The following TOLLIP variants were observed in gnomAD, a reference collection of about 807,000 sequenced individuals.
TOLLIP encodes toll-interacting protein.
A neutral mutation model predicts 33.5 loss-of-function variants in TOLLIP; 16 were observed. The ratio of observed to expected loss-of-function variants is 0.48; its 90% CI spans 0.32 to 0.72. The LOEUF is 0.72. Among genes scored for constraint, TOLLIP ranks in the 30% least tolerant of loss-of-function variants. The pLI is 0.03. For synonymous variants in TOLLIP, 176 were observed against 163.7 expected (o/e 1.07, Z -0.57); for missense variants, 325 against 396.6 (o/e 0.82, Z 1.53).
At chr11:1,307,613 GC>G (rs1353470101) in intron 1 of TOLLIP, among the ~76,000 whole-genome samples, 1 of 152,224 alleles carries the variant, frequency 6.6e-6, no homozygotes, top group African/African-American at 2.4e-5. Context: ...TGGCCACCAT[GC>G]CCCCCTGCTC....
At chr11:1,285,819 T>C (rs1483234586) in intron 5 of TOLLIP, among the ~76,000 whole-genome samples, 183 bp downstream of exon 5, 1 of 150,800 alleles carries the variant, frequency 6.6e-6, no homozygotes, top group Non-Finnish European at 1.5e-5. Context: ...GCAAACAAAA[T>C]TCAAACGTAA....
At chr11:1,289,987 CCTGGGTCATGCTTGTCA>C in intron 3 of TOLLIP, 1 of 537,410 alleles carries the variant, frequency 1.9e-6, no homozygotes, top group South Asian at 2.2e-5. Flanking sequence ...ACGCTGTATC[CCTGGGTCATGCTTGTCA>C]CTGGGGATGT....
chr11:1,292,518 C>T (rs1343493900), intron 2 of TOLLIP, among the ~76,000 whole-genome samples: 1 of 152,250 alleles, frequency 6.6e-6, no homozygotes, highest in East Asian at 1.9e-4. Flanking sequence ...CTGCCCTCTG[C>T]ACTGTGGCTA....
intron 1 of TOLLIP, among the ~76,000 whole-genome samples, chr11:1,305,065 T>G (rs1295881473): frequency 6.6e-6 from 1 of 152,238 alleles, no homozygotes; most frequent in African/African-American, 2.4e-5. Flanking sequence ...AAAAGACAGC[T>G]GGGGTGGCCA....
chr11:1,281,970 G>A (rs1418559794), intron 5 of TOLLIP, among the ~76,000 whole-genome samples: 1 of 152,256 alleles, frequency 6.6e-6, no homozygotes, highest in Non-Finnish European at 1.5e-5. Context: ...TGGCTGCCGG[G>A]AGGATGGGCT....
chr11:1,307,810 T>C (rs539651688), intron 1 of TOLLIP, among the ~76,000 whole-genome samples: 85 of 152,322 alleles, frequency 5.6e-4, no homozygotes, highest in Middle Eastern at 3.4e-3. Context: ...GCTCCACACC[T>C]GAGTCTCATA....
Position 1,288,704 on chromosome 11 carries a change from C to T in TOLLIP, c.439G>A (p.Val147Met), listed in dbSNP as rs749743149. ...TIPESLRQGKVEDKWYSLSGR... is the reference protein window; with the variant it reads ...TIPESLRQGKMEDKWYSLSGR... ...CTCAGGCTGTACCACTTGTCCTCCA[C>T]CTTGCCCTGCCTCAGGGACTCCGGG... Residue 147 changes from valine to methionine, a missense_variant, in exon 4 of 6, where the codon GTG (valine) becomes ATG (methionine). Coordinates refer to ENST00000317204, the MANE Select transcript of TOLLIP (RefSeq NM_019009.4). The T allele has an allele frequency of 1.4e-5, 23 of 1,612,950 alleles. No homozygotes were observed. The highest frequency in any genetic ancestry group is 1.9e-5 in the Non-Finnish European group (22 of 1,179,894).
chr11:1,294,200 G>A (rs908990293), intron 2 of TOLLIP, among the ~76,000 whole-genome samples: 8 of 137,660 alleles, frequency 5.8e-5, no homozygotes, highest in Admixed American at 1.5e-4. Context: ...TATGAAAGCC[G>A]TGTGGCTCAC....
At chr11:1,306,500 C>T (rs1864427141) in intron 1 of TOLLIP, among the ~76,000 whole-genome samples, 2 of 152,124 alleles carry the variant, frequency 1.3e-5, no homozygotes, top group African/African-American at 4.8e-5. Flanking sequence ...TGAGCGAGCG[C>T]CCTGCTTAAC....
chr11:1,288,943 A>G (rs1029472734), intron 3 of TOLLIP, among the ~76,000 whole-genome samples, 167 bp from the exon 4 acceptor site: 2 of 152,214 alleles, frequency 1.3e-5, no homozygotes, highest in African/African-American at 4.8e-5. Flanking sequence ...CGCAGGCTTC[A>G]CGATCGTATA....
At position 1,276,482 on chromosome 11, in the gene TOLLIP, G is replaced by A. The variant is rs531570554; in HGVS notation, c.*557C>T. ...GGCCAGGTGAGCCAGGCCAGAGGCC[G>A]GCCCCACACCATCCACAGGAAGCTG... On this transcript the variant is annotated 3_prime_UTR_variant, in exon 6 of 6. Coordinates refer to ENST00000317204, the MANE Select transcript of TOLLIP (RefSeq NM_019009.4). The A allele has an allele frequency of 5.8e-4, 211 of 362,108 alleles. No individual in the cohort carries two copies. The highest frequency in any genetic ancestry group is 3.8e-3 in the African/African-American group (179 of 46,808). 22.4% of individuals were successfully genotyped at this position (362,108 alleles called of 1,614,324 possible).
chr11:1,286,061 T>TG lies in TOLLIP; in HGVS notation c.550dup (p.Gln184ProfsTer27), dbSNP rs1429668966. The TG allele has an allele frequency of 6.2e-7, 1 of 1,600,050 alleles. No homozygotes were observed. The highest frequency in any genetic ancestry group is 1.3e-5 in the African/African-American group (1 of 74,862). The stretch of plus-strand genomic sequence containing the variant: ...CACTGTTGGCATCAGGACCACGGGC[T>TG]GGGGTGGCATCACCATGGCAGCTGG... On this transcript the variant is annotated frameshift_variant, in exon 5 of 6. Transcript: ENST00000317204. LOFTEE classifies it high-confidence loss of function.
At position 1,275,505 on chromosome 11, in the gene TOLLIP, C is replaced by T. The variant is rs1011639567; in HGVS notation, c.*1534G>A. The T allele has an allele frequency of 3.3e-5, 5 of 152,174 alleles. No individual in the cohort carries two copies. The highest frequency in any genetic ancestry group is 5.9e-5 in the Non-Finnish European group (4 of 68,042). The allele number at this position is 152,174 out of a possible 1,614,324, so 9.4% of individuals were successfully genotyped here. On this transcript the variant is annotated 3_prime_UTR_variant, in exon 6 of 6. Coordinates refer to ENST00000317204, the MANE Select transcript of TOLLIP (RefSeq NM_019009.4). ...AGACAGGGAATCCCAGGGGCCCCTC[C>T]GTCTGAGTGGTCGGCGTCTGCTGAA...
chr11:1,307,834 T>A (rs979679029), intron 1 of TOLLIP, among the ~76,000 whole-genome samples: 9 of 152,246 alleles, frequency 5.9e-5, no homozygotes, highest in Non-Finnish European at 1.3e-4. Context: ...GTCAGGAGGT[T>A]TCCTTCAAAG....
intron 1 of TOLLIP, among the ~76,000 whole-genome samples, chr11:1,308,585 G>C (rs1242158244): frequency 6.6e-6 from 1 of 152,258 alleles, no homozygotes; most frequent in Non-Finnish European, 1.5e-5. Flanking sequence ...GTCTACACCA[G>C]CTCTCCTGCA....
At chr11:1,299,805 G>A (rs1395150067) in intron 1 of TOLLIP, among the ~76,000 whole-genome samples, 2 of 152,206 alleles carry the variant, frequency 1.3e-5, no homozygotes, top group African/African-American at 4.8e-5. Context: ...CTGAGGCTGC[G>A]TCACCTGTGC....
chr11:1,286,209 T>A, intron 4 of TOLLIP, 117 bp from the exon 5 acceptor site: 1 of 749,310 alleles, frequency 1.3e-6, no homozygotes, highest in East Asian at 2.8e-5. Context: ...GCCCTCCCCA[T>A]GCCAGCCCAG....
At chr11:1,282,997 G>A (rs574621415) in intron 5 of TOLLIP, among the ~76,000 whole-genome samples, 68 of 152,312 alleles carry the variant, frequency 4.5e-4, no homozygotes, top group South Asian at 1.2e-3. Context: ...TGGGGAAGTC[G>A]GATAAACTCA....
intron 1 of TOLLIP, among the ~76,000 whole-genome samples, chr11:1,307,438 C>T (rs1396137414): frequency 6.6e-6 from 1 of 152,218 alleles, no homozygotes; most frequent in East Asian, 1.9e-4. Context: ...CACGCCGGTG[C>T]CCCTCAGAAC....
Sources: gnomAD v4.1 joint callset for allele counts (sites outside exome capture counted in the v4.1 genomes callset) on GRCh38, gnomAD v4.1.1 for gene constraint, MANE v1.5 for transcripts, NCBI Gene and HGNC (gene_info 2026-07-23, HGNC 2026-07-21) for gene names.